ROBO2: variants seen among roughly 807,000 people sequenced by gnomAD.
ROBO2 encodes roundabout guidance receptor 2.
ROBO2 carries 53 observed loss-of-function variants against 160.8 expected under a neutral mutation model. The ratio of observed to expected loss-of-function variants is 0.33; its 90% CI spans 0.26 to 0.41. The LOEUF (loss-of-function observed/expected upper bound fraction) is 0.41, where lower values mean the gene tolerates loss of function less well. Ranked by LOEUF, ROBO2 falls within the 10% of genes least tolerant of loss-of-function variation. The pLI is 1.00. For synonymous variants in ROBO2, 664 were observed against 611.7 expected (o/e 1.09, Z -1.26); for missense variants, 1,577 against 1,722.4 (o/e 0.92, Z 1.49).
At chr3:76,264,210 C>T (rs1350176248) in intron 2 of ROBO2, among the ~76,000 whole-genome samples, 1 of 151,880 alleles carries the variant, frequency 6.6e-6, no homozygotes, top group African/African-American at 2.4e-5. Flanking sequence ...ACGTTCTGCA[C>T]TTGTATCTCA....
At chr3:76,774,725 T>C (rs2062128774) in intron 2 of ROBO2, among the ~76,000 whole-genome samples, 1 of 150,788 alleles carries the variant, frequency 6.6e-6, no homozygotes, top group South Asian at 2.1e-4. Flanking sequence ...ATCTATGTTT[T>C]TAAAAGGCAG....
intron 2 of ROBO2, among the ~76,000 whole-genome samples, chr3:76,444,495 C>A (rs773261480): frequency 1.6e-3 from 240 of 152,166 alleles, no homozygotes; most frequent in Non-Finnish European, 2.9e-3. Flanking sequence ...GCTAGGGAGG[C>A]CTCAGGAAAC....
At chr3:76,762,323 C>A in intron 2 of ROBO2, among the ~76,000 whole-genome samples, 1 of 151,170 alleles carries the variant, frequency 6.6e-6, no homozygotes, top group South Asian at 2.1e-4. Context: ...TGTCAAGTAA[C>A]AAATTTGTAT....
At chr3:77,001,094 A>G (rs2061315246) in intron 2 of ROBO2, among the ~76,000 whole-genome samples, 1 of 152,172 alleles carries the variant, frequency 6.6e-6, no homozygotes, top group African/African-American at 2.4e-5. Context: ...TGTTGGTTTC[A>G]CCTAAGAACA....
At chr3:76,756,469 A>C (rs2060977339) in intron 2 of ROBO2, among the ~76,000 whole-genome samples, 1 of 151,832 alleles carries the variant, frequency 6.6e-6, no homozygotes, top group Admixed American at 6.6e-5. Context: ...TTGGGGTGAA[A>C]AAGTAGTATA....
At position 77,577,441 on chromosome 3, in the gene ROBO2, G is replaced by A. The variant is rs200107167; in HGVS notation, c.2204-49G>A. On this transcript the variant is annotated intron_variant, in intron 14 of 25. Transcript: ENST00000461745. ...CTCATATTCTGAAAGTAGCATGAAC[G>A]CACACCAAGGCTTATAGTTTGCATT... is the stretch of plus-strand genomic sequence containing the variant. The A allele has an allele frequency of 1.0e-4, 163 of 1,611,914 alleles. 1 individual carries two copies. The highest frequency in any genetic ancestry group is 3.3e-4 in the Middle Eastern group (2 of 6,066).
rs144844446 is a variant in ROBO2 at position 77,637,185 on chromosome 3, A to G, written c.3934+2142A>G. Among the ~76,000 whole-genome samples the G allele has an allele frequency of 5.2e-3, 790 of 152,342 alleles. 1 individual carries two copies. Among genetic ancestry groups the G allele is most frequent in the Middle Eastern group, 0.014 (4 of 294 alleles). Reference sequence around the variant, plus strand: ...GTTACAGGTAATTTTAAAGCTCCACAAGTGAATCTAAAGTATAACTACCTT... The same window carrying G: ...GTTACAGGTAATTTTAAAGCTCCACGAGTGAATCTAAAGTATAACTACCTT... On this transcript the variant is annotated intron_variant, in intron 24 of 25. Transcript: ENST00000461745.
rs371280266 is a variant in ROBO2 at position 76,704,056 on chromosome 3, A to T, written c.110-393958A>T. Among the ~76,000 whole-genome samples, 11 of 151,546 alleles carry T rather than the reference A, an allele frequency of 7.3e-5. No homozygotes were observed. In the South Asian group the frequency reaches 2.3e-3, roughly 32 times the overall value. On this transcript the variant is annotated intron_variant, in intron 2 of 26. Coordinates refer to the ROBO2 transcript ENST00000487694. ...CTTTTCTATGTCTTTGTACATCATT[A>T]TACTTTTTTCTGAGTTTGGATCAAC...
chr3:77,263,268 T>C (rs964701045), intron 2 of ROBO2, among the ~76,000 whole-genome samples: 3 of 152,188 alleles, frequency 2.0e-5, no homozygotes, highest in Admixed American at 6.5e-5. Flanking sequence ...TAAGTTTTAT[T>C]TTAAGTTCAG....
At chr3:77,160,394 T>C (rs2078381263) in intron 2 of ROBO2, among the ~76,000 whole-genome samples, 1 of 152,202 alleles carries the variant, frequency 6.6e-6, no homozygotes. Context: ...GGTGATGATG[T>C]ATTTGTAGAT....
chr3:76,062,647 C>T (rs73842939), intron 2 of ROBO2, among the ~76,000 whole-genome samples: 3,118 of 152,240 alleles, frequency 0.02, 44 homozygotes, highest in East Asian at 0.08. Context: ...GCTTTCATCT[C>T]AGAGAAGAAT....
At chr3:76,800,167 C>T (rs1375965664) in intron 2 of ROBO2, among the ~76,000 whole-genome samples, 1 of 152,154 alleles carries the variant, frequency 6.6e-6, no homozygotes, top group Non-Finnish European at 1.5e-5. Flanking sequence ...TGGATATCCA[C>T]ATGCAGAAGA....
intron 2 of ROBO2, among the ~76,000 whole-genome samples, chr3:76,325,153 A>G (rs1379916226): frequency 6.6e-6 from 1 of 152,254 alleles, no homozygotes; most frequent in East Asian, 1.9e-4. Flanking sequence ...TAAAAGCCTA[A>G]CTTAAAATAT....
intron 2 of ROBO2, among the ~76,000 whole-genome samples, chr3:76,479,865 T>A (rs919723965): frequency 6.6e-6 from 1 of 152,062 alleles, no homozygotes; most frequent in Non-Finnish European, 1.5e-5. Flanking sequence ...TTTAGAAGAG[T>A]TTGCATTAAG....
intron 2 of ROBO2, chr3:77,317,370 G>A (rs1581006825): frequency 2.1e-6 from 2 of 955,332 alleles, no homozygotes; most frequent in East Asian, 4.9e-5. Context: ...GGTGCCTAGT[G>A]TATTGTCGGG....
At chr3:76,003,860 A>C (rs532496097) in intron 2 of ROBO2, among the ~76,000 whole-genome samples, 2 of 152,360 alleles carry the variant, frequency 1.3e-5, no homozygotes, top group South Asian at 4.1e-4. Context: ...AGTCGTTAGG[A>C]AAATGCAATT....
At chr3:77,636,325 G>T (rs1450818444) in intron 24 of ROBO2, among the ~76,000 whole-genome samples, 1 of 152,138 alleles carries the variant, frequency 6.6e-6, no homozygotes, top group Non-Finnish European at 1.5e-5. Flanking sequence ...CAAGCACGGT[G>T]GCTCAGGCCT....
chr3:76,039,331 AT>A (rs1215873122), intron 2 of ROBO2, among the ~76,000 whole-genome samples: 5 of 151,722 alleles, frequency 3.3e-5, no homozygotes, highest in Admixed American at 3.3e-4. Flanking sequence ...AACATGGTCT[AT>A]TTTTTTTAGG....
chr3:76,419,454 A>C (rs987387947), intron 2 of ROBO2, among the ~76,000 whole-genome samples: 2 of 151,528 alleles, frequency 1.3e-5, no homozygotes, highest in African/African-American at 2.4e-5. Context: ...TTTTTTTTTA[A>C]ATTTAACCTG....
Sources: allele counts gnomAD v4.1 joint callset (sites outside exome capture counted in the v4.1 genomes callset), GRCh38; gene constraint gnomAD v4.1.1; transcripts MANE v1.5; gene names NCBI Gene and HGNC (gene_info 2026-07-23, HGNC 2026-07-21).